Variants in PDE4A observed in about 807,000 individuals in gnomAD.
PDE4A encodes the protein phosphodiesterase 4A.
A neutral mutation model predicts 73.9 loss-of-function variants in PDE4A; 21 were observed. The observed-to-expected ratio is 0.28, with a 90% CI of 0.20 to 0.41. The LOEUF is 0.41. Among genes scored for constraint, PDE4A ranks in the 10% least tolerant of loss-of-function variants. PDE4A has a pLI of 1.00. For missense variants in PDE4A, 958 were observed against 1,211.4 expected, an observed-to-expected ratio of 0.79 and a Z score of 3.10; for synonymous variants, 463 against 505.4, an observed-to-expected ratio of 0.92 and a Z score of 1.13.
chr19:10,418,898 G>A, upstream of PDE4A: 2 of 960,588 alleles, frequency 2.1e-6, no homozygotes, highest in Middle Eastern at 5.4e-4. Context: ...AGTGTGTAAT[G>A]GGGGGGGTGT....
chr19:10,442,253 C>T lies in PDE4A; in HGVS notation c.321-3965C>T, dbSNP rs530408168. Reference sequence around the variant, plus strand: ...GAAATAAGTTTGAAATCTCCTAGGCCTGCCAGGCACCTATAATCCCAGCAC... The same window carrying T: ...GAAATAAGTTTGAAATCTCCTAGGCTTGCCAGGCACCTATAATCCCAGCAC... On this transcript the variant is annotated intron_variant, in intron 1 of 14. Coordinates refer to ENST00000380702, the MANE Select transcript of PDE4A (RefSeq NM_001111307.2). Among the ~76,000 whole-genome samples the T allele has an allele frequency of 5.9e-5, 9 of 152,050 alleles. 1 individual carries two copies. The highest frequency in any genetic ancestry group is 2.1e-4 in the South Asian group (1 of 4,814).
At chr19:10,437,807 GTT>G (rs35319180) in intron 1 of PDE4A, among the ~76,000 whole-genome samples, 9 of 128,048 alleles carry the variant, frequency 7.0e-5, no homozygotes, top group Non-Finnish European at 4.9e-5. Context: ...CTCCAGGACT[GTT>G]TTTTTTTTTT....
At chr19:10,417,226 T>G (rs1273841660), upstream of PDE4A, 1 of 984,920 alleles carries the variant, frequency 1.0e-6, no homozygotes, top group African/African-American at 1.7e-5. Flanking sequence ...AGGAGAGGAT[T>G]TTGGCGAGGA....
At position 10,453,287 on chromosome 19, in the gene PDE4A, C is replaced by T. The variant is rs573569410; in HGVS notation, c.784-1542C>T. On this transcript the variant is annotated intron_variant, in intron 6 of 14. Coordinates refer to ENST00000380702, the MANE Select transcript of PDE4A (RefSeq NM_001111307.2). This position sits in a 1 kb window ranked among gnomAD's most constrained non-coding sequence, Gnocchi z 4.6. ...AGATGCCCTTGGTGGATTTCTTCTGCGAGACCTGCTCTAAGCCTTGGCTGG... is the reference window on the plus strand; with the variant it reads ...AGATGCCCTTGGTGGATTTCTTCTGTGAGACCTGCTCTAAGCCTTGGCTGG... The T allele has an allele frequency of 5.0e-5, 80 of 1,613,314 alleles. No homozygotes were observed. Among genetic ancestry groups the T allele is most frequent in the African/African-American group, 2.7e-4 (20 of 75,024 alleles).
chr19:10,467,443 C>A lies in PDE4A; in HGVS notation c.2483C>A (p.Ser828Tyr). 1 of 1,613,788 alleles carries A rather than the reference C, an allele frequency of 6.2e-7. No individual in the cohort carries two copies. The highest frequency in any genetic ancestry group is 8.5e-7 in the Non-Finnish European group (1 of 1,179,856). Residue 828 changes from serine (S) to tyrosine (Y), a missense_variant, in exon 15 of 15, where the codon TCT becomes TAT. Transcript: ENST00000380702. ...SPLLPAWRTL[S>Y]VSEHAPGLPG... ...CTTCTCCCTGCTTGGAGGACCCTGT[C>A]TGTTTCAGAGCATGCCCCGGGCCTC... is the stretch of plus-strand genomic sequence containing the variant.
upstream of PDE4A, chr19:10,418,676 G>A (rs2042610291): frequency 6.3e-6 from 5 of 791,638 alleles, no homozygotes; most frequent in Non-Finnish European, 7.7e-6. Flanking sequence ...TTATCCCCCA[G>A]CTCAGGCCAC....
chr19:10,432,236 CAG>C (rs1447621859), intron 1 of PDE4A, among the ~76,000 whole-genome samples: 3 of 144,068 alleles, frequency 2.1e-5, no homozygotes, highest in Non-Finnish European at 4.5e-5. Flanking sequence ...GGGAGGCAGA[CAG>C]AGCGCCCGTG....
Position 10,450,875 on chromosome 19 carries a change from C to T in PDE4A, c.717C>T (p.Asp239=), listed in dbSNP as rs2043079452. The change falls in exon 6 of 15, where the codon GAC becomes GAT. Residue 239 remains aspartate, a synonymous_variant. Transcript: ENST00000380702. ...QLARETLEEL[D]WCLEQLETMQ... ...CCCGGGAGACTCTGGAGGAGCTGGA[C>T]TGGTGTCTGGAGCAGCTGGAGACCA... 1 of 1,612,072 alleles carries T rather than the reference C, an allele frequency of 6.2e-7. No homozygotes were observed. Among genetic ancestry groups the T allele is most frequent in the Admixed American group, 1.7e-5 (1 of 59,714 alleles).
At chr19:10,434,740 C>T (rs564906259) in intron 1 of PDE4A, among the ~76,000 whole-genome samples, 1 of 151,776 alleles carries the variant, frequency 6.6e-6, no homozygotes, top group Non-Finnish European at 1.5e-5. Context: ...ACAAGCGCCC[C>T]GCCACCACGC....
intron 14 of PDE4A, among the ~76,000 whole-genome samples, chr19:10,464,602 C>G (rs1398052353): frequency 9.2e-5 from 14 of 151,886 alleles, no homozygotes; most frequent in Admixed American, 9.2e-4. Flanking sequence ...AATTTTTTGT[C>G]GAGACAGGGA....
intron 1 of PDE4A, among the ~76,000 whole-genome samples, chr19:10,444,004 CAAA>C (rs56177093): frequency 6.2e-5 from 7 of 113,724 alleles, no homozygotes; most frequent in Admixed American, 1.9e-4. Flanking sequence ...AAGACTGTCT[CAAA>C]AAAAAAAAAA....
intron 14 of PDE4A, among the ~76,000 whole-genome samples, chr19:10,465,987 C>T (rs2043362347): frequency 6.9e-6 from 1 of 144,544 alleles, no homozygotes; most frequent in African/African-American, 2.5e-5. Flanking sequence ...AGGCGTGAGC[C>T]ACTGCATCCG....
At chr19:10,432,243 C>T (rs1023078206) in intron 1 of PDE4A, among the ~76,000 whole-genome samples, 34 of 151,322 alleles carry the variant, frequency 2.2e-4, no homozygotes, top group Non-Finnish European at 4.0e-4. Context: ...AGACAGAGCG[C>T]CCGTGCGCTC....
At chr19:10,466,237 G>C (rs970398226) in intron 14 of PDE4A, among the ~76,000 whole-genome samples, 2 of 149,868 alleles carry the variant, frequency 1.3e-5, no homozygotes, top group African/African-American at 4.9e-5. Context: ...ACAAGATCAG[G>C]AGATCTAGAC....
chr19:10,416,882 A>G (rs1409115762), upstream of PDE4A: 1 of 1,534,366 alleles, frequency 6.5e-7, no homozygotes, highest in African/African-American at 1.4e-5. Flanking sequence ...TTGGTCTTGT[A>G]GGAGGCCCTG....
Position 10,453,791 on chromosome 19 carries a change from A to G in PDE4A, c.784-1038A>G, listed in dbSNP as rs1855628397. On this transcript the variant is annotated intron_variant, in intron 6 of 14. Transcript: ENST00000380702. This position sits in a 1 kb window ranked among gnomAD's most constrained non-coding sequence, Gnocchi z 4.6. The stretch of plus-strand genomic sequence containing the variant: ...GTGTCTGGGCTGTGTGACGCTGTGT[A>G]GGACTGAGAGCCTGTGATTGTGTGT... Among the ~76,000 whole-genome samples, 1 of 152,012 alleles carries G rather than the reference A, an allele frequency of 6.6e-6. No homozygotes were observed. The highest frequency in any genetic ancestry group is 2.1e-4 in the South Asian group (1 of 4,826).
chr19:10,419,141 GC>G, upstream of PDE4A: 6 of 957,216 alleles, frequency 6.3e-6, no homozygotes, highest in Non-Finnish European at 6.2e-6. Context: ...GCCCTGGGGA[GC>G]CCGTGACAGG....
At chr19:10,466,866 T>C (rs773849178) in intron 14 of PDE4A, 21 bp from the exon 15 acceptor site, 2 of 1,605,548 alleles carry the variant, frequency 1.2e-6, no homozygotes, top group South Asian at 2.2e-5. Flanking sequence ...CGCCCATTTA[T>C]ACTTTCTTCC....
At chr19:10,444,094 T>A (rs576158035) in intron 1 of PDE4A, among the ~76,000 whole-genome samples, 2 of 150,164 alleles carry the variant, frequency 1.3e-5, no homozygotes, top group Non-Finnish European at 3.0e-5. Context: ...AGAGAAATAG[T>A]ATTGGGCTGG....
Sources: allele counts gnomAD v4.1 joint callset (sites outside exome capture counted in the v4.1 genomes callset), GRCh38; gene constraint gnomAD v4.1.1; non-coding constraint Gnocchi (gnomAD v3.1); transcripts MANE v1.5; gene names NCBI Gene and HGNC (gene_info 2026-07-23, HGNC 2026-07-21).